Variants in TBC1D8 observed in about 807,000 individuals in gnomAD.
The protein encoded by TBC1D8 is BUB2-like protein 1.
A neutral mutation model predicts 118.8 loss-of-function variants in TBC1D8; 65 were observed. The observed-to-expected ratio is 0.55, with a 90% CI of 0.45 to 0.67. The LOEUF (loss-of-function observed/expected upper bound fraction) is 0.67, where lower values mean the gene tolerates loss of function less well. Among genes scored for constraint, TBC1D8 ranks in the 30% least tolerant of loss-of-function variants. TBC1D8 has a pLI of 0.00. For synonymous variants in TBC1D8, 566 were observed against 595.8 expected (o/e 0.95, Z 0.73); for missense variants, 1,376 against 1,471.2 (o/e 0.94, Z 1.06).
At chr2:101,149,095 T>C (rs1271608930) in intron 1 of TBC1D8, among the ~76,000 whole-genome samples, 1 of 152,188 alleles carries the variant, frequency 6.6e-6, no homozygotes, top group East Asian at 1.9e-4. Context: ...CAACAGGGTC[T>C]CCAAGAAATA....
chr2:101,007,687 G>A lies in TBC1D8; in HGVS notation c.*134C>T. 1 of 900,180 alleles carries A rather than the reference G, an allele frequency of 1.1e-6. No homozygotes were observed. The highest frequency in any genetic ancestry group is 1.6e-5 in the South Asian group (1 of 61,054). The allele number at this position is 900,180 out of a possible 1,614,324, so 55.8% of individuals were successfully genotyped here. A position where few individuals can be genotyped will look rare whatever the true frequency, so the allele number is the denominator to read the frequency against. ...GGTTGTGTCGGTTCCCCTGGCCACAGTTTGTCAGGTTGTTTAGCCAGATGC... is the reference window on the plus strand; with the variant it reads ...GGTTGTGTCGGTTCCCCTGGCCACAATTTGTCAGGTTGTTTAGCCAGATGC... On this transcript the variant is annotated 3_prime_UTR_variant, in exon 20 of 20. Transcript: ENST00000409318.
At position 101,050,575 on chromosome 2, in the gene TBC1D8, T is replaced by G; in HGVS notation, c.698A>C (p.Asp233Ala). The change falls in exon 5 of 20, where the codon GAT becomes GCT. Residue 233 changes from aspartate (D) to alanine (A), a missense_variant. Asp to Ala is a moderately radical substitution (Grantham distance 126, BLOSUM62 -2). Coordinates refer to ENST00000409318, the MANE Select transcript of TBC1D8 (RefSeq NM_001330348.2). ...LERTSNVFLT[D>A]TIRITTQNKE... is the part of the protein sequence containing the mutation. ...ATTCTGCGTGGTGATTCGGATGGTA[T>G]CCGTCAGAAAGACATTGGACGTTCT... 1 of 1,613,966 alleles carries G rather than the reference T, an allele frequency of 6.2e-7. No homozygotes were observed. The highest frequency in any genetic ancestry group is 2.2e-5 in the East Asian group (1 of 44,872).
At position 101,037,553 on chromosome 2, in the gene TBC1D8, G is replaced by A. The variant is rs540488034; in HGVS notation, c.1431C>T (p.Ser477=). The A allele has an allele frequency of 2.2e-5, 36 of 1,612,662 alleles. No individual in the cohort carries two copies. The South Asian group carries it at 3.0e-4, about 13-fold the overall frequency. The stretch of plus-strand genomic sequence containing the variant: ...CCACCATTCGGGAGTCAGGGCTCTG[G>A]CTGCCTGACTGCTGGAAGGCGGTGA... ...ALVTAFQQSG[S]QSPDSRMSRE... The change falls in exon 8 of 20, where the codon AGC becomes AGT. Residue 477 remains serine, a synonymous_variant. Coordinates refer to ENST00000409318, the MANE Select transcript of TBC1D8 (RefSeq NM_001330348.2).
chr2:101,018,781 T>C (rs1679840451), intron 17 of TBC1D8, among the ~76,000 whole-genome samples: 1 of 152,204 alleles, frequency 6.6e-6, no homozygotes, highest in Non-Finnish European at 1.5e-5. Flanking sequence ...TATAACTTTC[T>C]CAGCAGTTTG....
chr2:101,117,314 CAG>C (rs903064269), intron 1 of TBC1D8, among the ~76,000 whole-genome samples: 16 of 152,164 alleles, frequency 1.1e-4, no homozygotes, highest in Middle Eastern at 3.2e-3. Context: ...TTTCCACGCA[CAG>C]AGTGAGAGAG....
chr2:101,144,480 G>T (rs1165777635), intron 1 of TBC1D8, among the ~76,000 whole-genome samples: 2 of 152,166 alleles, frequency 1.3e-5, no homozygotes. Flanking sequence ...AGCAGAAGGG[G>T]GAAGAGAGGC....
At chr2:101,068,666 C>T (rs72821087) in intron 2 of TBC1D8, 62,453 of 462,900 alleles carry the variant, frequency 0.13, 4,633 homozygotes, top group Non-Finnish European at 0.16. Flanking sequence ...CTGGATGATA[C>T]CTTAGCACTT....
intron 3 of TBC1D8, among the ~76,000 whole-genome samples, chr2:101,056,272 C>T (rs1235115974): frequency 1.3e-5 from 2 of 150,940 alleles, no homozygotes; most frequent in African/African-American, 2.4e-5. Context: ...GGCGTGATCT[C>T]GGCTCACTGC....
chr2:101,072,275 C>G (rs751742448), intron 2 of TBC1D8, among the ~76,000 whole-genome samples: 6 of 152,146 alleles, frequency 3.9e-5, no homozygotes, highest in Admixed American at 1.3e-4. Flanking sequence ...ACTGCACCAG[C>G]ATCTGCTCCT....
intron 5 of TBC1D8, among the ~76,000 whole-genome samples, chr2:101,049,888 G>A (rs1334737665): frequency 2.7e-5 from 4 of 150,698 alleles, no homozygotes; most frequent in Non-Finnish European, 4.4e-5. Context: ...GTGCAGTGAC[G>A]GCATCTCAGC....
chr2:101,151,352 G>A lies in TBC1D8; in HGVS notation c.-99C>T. The stretch of plus-strand genomic sequence containing the variant: ...CTCGAGAGGCGACGGCGGCGCGCGG[G>A]GACCACAGCCCGGCCGGTGCCCAGC... On this transcript the variant is annotated 5_prime_UTR_variant, in exon 1 of 20. Coordinates refer to ENST00000409318, the MANE Select transcript of TBC1D8 (RefSeq NM_001330348.2). 5 of 1,058,314 alleles carry A rather than the reference G, an allele frequency of 4.7e-6. No individual in the cohort carries two copies. Among genetic ancestry groups the A allele is most frequent in the South Asian group, 4.5e-5 (1 of 22,418 alleles). The allele number at this position is 1,058,314 out of a possible 1,614,324, so 65.6% of individuals were successfully genotyped here.
intron 1 of TBC1D8, 41 bp downstream of exon 1, chr2:101,151,086 C>T (rs1443754657): frequency 1.0e-6 from 1 of 1,001,806 alleles, no homozygotes; most frequent in African/African-American, 1.8e-5. Flanking sequence ...GGTGCGAGGC[C>T]CCGGGCCCGG....
At chr2:101,114,044 G>C (rs1677717593) in intron 1 of TBC1D8, among the ~76,000 whole-genome samples, 1 of 152,196 alleles carries the variant, frequency 6.6e-6, no homozygotes, top group Non-Finnish European at 1.5e-5. Flanking sequence ...CCTAGGGGAA[G>C]GATGAATCAT....
intron 6 of TBC1D8, among the ~76,000 whole-genome samples, chr2:101,038,870 C>T (rs1314601250): frequency 2.9e-5 from 4 of 139,776 alleles, no homozygotes; most frequent in Admixed American, 2.1e-4. Context: ...TGTGGTCTAT[C>T]CATACATCGG....
rs545053164 is a variant in TBC1D8, at chr2:101,070,436, A to C, written c.284-10897T>G. ...ATCTGATTTTTTTTTTTTTTGAGAT[A>C]GAGTCTCACTCTGTTGCCCAGGCTG... On this transcript the variant is annotated intron_variant, in intron 2 of 19. Coordinates refer to ENST00000409318, the MANE Select transcript of TBC1D8 (RefSeq NM_001330348.2). Among the ~76,000 whole-genome samples, 10 of 140,068 alleles carry C rather than the reference A, an allele frequency of 7.1e-5. 1 individual carries two copies. The South Asian group carries it at 2.2e-3, about 31-fold the overall frequency. 91.9% of individuals were successfully genotyped at this position (140,068 alleles called of 152,430 possible). A position where few individuals can be genotyped will look rare whatever the true frequency, so the allele number is the denominator to read the frequency against.
intron 1 of TBC1D8, among the ~76,000 whole-genome samples, chr2:101,095,298 T>C (rs1029328496): frequency 7.0e-6 from 1 of 143,050 alleles, no homozygotes; most frequent in Non-Finnish European, 1.6e-5. Flanking sequence ...ATGTGCACAA[T>C]GTGCAGGTTT....
chr2:101,068,431 A>G (rs1683133379), intron 2 of TBC1D8: 2 of 322,762 alleles, frequency 6.2e-6, no homozygotes, highest in Non-Finnish European at 1.1e-5. Flanking sequence ...ACTTAACTGT[A>G]TCCAGCAATT....
At chr2:101,011,204 T>G (rs911635804) in intron 18 of TBC1D8, 178 bp from the exon 19 acceptor site, 1 of 706,214 alleles carries the variant, frequency 1.4e-6, no homozygotes, top group African/African-American at 1.8e-5. Context: ...GGGGGACTTC[T>G]GCTCTAAGAG....
intron 5 of TBC1D8, among the ~76,000 whole-genome samples, chr2:101,049,510 T>C (rs1209975164): frequency 1.3e-5 from 2 of 152,010 alleles, no homozygotes; most frequent in Non-Finnish European, 2.9e-5. Context: ...GGGTGGAACA[T>C]GTGGTCAGGA....
Sources: allele counts gnomAD v4.1 joint callset (sites outside exome capture counted in the v4.1 genomes callset), GRCh38; gene constraint gnomAD v4.1.1; transcripts MANE v1.5; gene names NCBI Gene and HGNC (gene_info 2026-07-23, HGNC 2026-07-21).